IGSF10: variants seen among roughly 807,000 people sequenced by gnomAD.
The protein encoded by IGSF10 is immunoglobulin superfamily member 10.
A neutral mutation model predicts 128.2 loss-of-function variants in IGSF10; 126 were observed. The observed-to-expected ratio is 0.98, with a 90% CI of 0.85 to 1.14. The LOEUF (loss-of-function observed/expected upper bound fraction) is 1.14. Ranked by LOEUF, IGSF10 falls within the 50% of genes most tolerant of loss-of-function variation. The pLI is 0.00. For missense variants in IGSF10, 3,295 were observed against 3,149.8 expected (o/e 1.05, Z -1.10); for synonymous variants, 1,185 against 1,146.2 (o/e 1.03, Z -0.68).
the IGSF10 span, among the ~76,000 whole-genome samples, chr3:151,602,119 GTC>G: frequency 3.9e-4 from 60 of 152,120 alleles, no homozygotes; most frequent in African/African-American, 1.2e-3. Flanking sequence ...TACTGTGATA[GTC>G]TCTGCTAAGG....
chr3:151,521,056 A>G, the IGSF10 span, among the ~76,000 whole-genome samples: 1 of 151,938 alleles, frequency 6.6e-6, no homozygotes, highest in Non-Finnish European at 1.5e-5. Flanking sequence ...CAAATGGAAA[A>G]CAAAAAAATC....
the IGSF10 span, among the ~76,000 whole-genome samples, chr3:151,539,805 T>TATCTATCTATC: frequency 6.6e-6 from 1 of 151,648 alleles, no homozygotes; most frequent in South Asian, 2.1e-4. Context: ...TCTATCTATC[T>TATCTATCTATC]ATCTATCTAT....
the IGSF10 span, among the ~76,000 whole-genome samples, chr3:151,544,590 C>G: frequency 0.51 from 77,510 of 151,864 alleles, 20,655 homozygotes; most frequent in African/African-American, 0.65. Context: ...ACCTACCCAC[C>G]CTGTTTTAGT....
chr3:151,588,973 AAAG>A, the IGSF10 span, among the ~76,000 whole-genome samples: 15 of 152,334 alleles, frequency 9.8e-5, no homozygotes, highest in African/African-American at 2.2e-4. Context: ...ATAGCAATAT[AAAG>A]AAGAAGTATT....
At chr3:151,481,626 T>C in the IGSF10 span, among the ~76,000 whole-genome samples, 1 of 152,086 alleles carries the variant, frequency 6.6e-6, no homozygotes, top group African/African-American at 2.4e-5. Context: ...CCTCAGAAAG[T>C]GAACATGCAC....
chr3:151,492,634 C>T, the IGSF10 span, among the ~76,000 whole-genome samples: 1 of 152,102 alleles, frequency 6.6e-6, no homozygotes, highest in Non-Finnish European at 1.5e-5. Context: ...AGGAGAATCA[C>T]TGGAAACTGG....
upstream of IGSF10, among the ~76,000 whole-genome samples, chr3:151,465,933 TGA>T (rs1309700259): frequency 1.3e-5 from 2 of 152,242 alleles, no homozygotes; most frequent in East Asian, 3.8e-4. Context: ...CATGCACTGC[TGA>T]GTGTCAAACT....
At chr3:151,578,835 G>A in the IGSF10 span, among the ~76,000 whole-genome samples, 1 of 152,198 alleles carries the variant, frequency 6.6e-6, no homozygotes, top group South Asian at 2.1e-4. Flanking sequence ...ACCATTAGCA[G>A]TTTACTACTG....
At chr3:151,468,091 A>T in the IGSF10 span, among the ~76,000 whole-genome samples, 1 of 152,234 alleles carries the variant, frequency 6.6e-6, no homozygotes, top group Non-Finnish European at 1.5e-5. Flanking sequence ...TACGGCAAGG[A>T]GTATTTCCTG....
chr3:151,550,012 G>A, the IGSF10 span, among the ~76,000 whole-genome samples: 1 of 151,786 alleles, frequency 6.6e-6, no homozygotes, highest in African/African-American at 2.4e-5. Flanking sequence ...AAAATTAAAG[G>A]GTAAAATCCT....
chr3:151,546,928 G>A, the IGSF10 span, among the ~76,000 whole-genome samples: 13 of 151,970 alleles, frequency 8.6e-5, no homozygotes, highest in South Asian at 1.0e-3. Context: ...CTGCCACCAC[G>A]CCCGGCTAAT....
the IGSF10 span, among the ~76,000 whole-genome samples, chr3:151,601,560 G>C: frequency 6.6e-6 from 1 of 152,186 alleles, no homozygotes; most frequent in Non-Finnish European, 1.5e-5. Flanking sequence ...ACATATGCTT[G>C]ATGACTAGAC....
upstream of IGSF10, among the ~76,000 whole-genome samples, chr3:151,462,236 G>A (rs933192678): frequency 6.6e-6 from 1 of 152,126 alleles, no homozygotes; most frequent in African/African-American, 2.4e-5. Flanking sequence ...TGCAATGAAT[G>A]TTTTAGGGCA....
chr3:151,451,974 C>A (rs1019855146), intron 5 of IGSF10, among the ~76,000 whole-genome samples: 2 of 152,204 alleles, frequency 1.3e-5, no homozygotes, highest in African/African-American at 4.8e-5. Context: ...TTACATTTAA[C>A]TACTGAGATC....
At chr3:151,449,354 G>T in intron 5 of IGSF10, 89 bp from the exon 6 acceptor site, 2 of 1,295,262 alleles carry the variant, frequency 1.5e-6, no homozygotes, top group Non-Finnish European at 2.1e-6. Flanking sequence ...GCTAGAAGCT[G>T]AAACAATTTG....
At chr3:151,617,010 G>A in the IGSF10 span, among the ~76,000 whole-genome samples, 1 of 152,176 alleles carries the variant, frequency 6.6e-6, no homozygotes, top group Admixed American at 6.5e-5. Flanking sequence ...CCCAATGCCT[G>A]CACTGGTGAG....
the IGSF10 span, among the ~76,000 whole-genome samples, chr3:151,539,986 C>A: frequency 6.6e-5 from 10 of 152,092 alleles, no homozygotes; most frequent in African/African-American, 2.2e-4. Context: ...CCTAAGTAAC[C>A]TAAATAAGTT....
the IGSF10 span, among the ~76,000 whole-genome samples, chr3:151,616,428 T>C: frequency 6.6e-6 from 1 of 152,234 alleles, no homozygotes; most frequent in African/African-American, 2.4e-5. Flanking sequence ...TTATATCCTT[T>C]TCTTTTTTAT....
At position 151,445,649 on chromosome 3, in the gene IGSF10, G is replaced by A; in HGVS notation, c.4332C>T (p.Ser1444=). The A allele has an allele frequency of 6.2e-7, 1 of 1,614,214 alleles. No homozygotes were observed. The highest frequency in any genetic ancestry group is 1.1e-5 in the South Asian group (1 of 91,086). ...STIASETTLS[S]KSHQSTTTRK... is the part of the protein sequence containing the mutation. Reference sequence around the variant, plus strand: ...TAGTTGTGGTACTCTGGTGTGATTTGCTGGACAAAGTTGTTTCAGAAGCAA... The same window carrying A: ...TAGTTGTGGTACTCTGGTGTGATTTACTGGACAAAGTTGTTTCAGAAGCAA... Residue 1444 remains serine, a synonymous_variant, in exon 6 of 8, where the codon AGC becomes AGT. Coordinates refer to ENST00000282466, the MANE Select transcript of IGSF10 (RefSeq NM_178822.5).
Sources: allele counts gnomAD v4.1 joint callset (sites outside exome capture counted in the v4.1 genomes callset), GRCh38; gene constraint gnomAD v4.1.1; transcripts MANE v1.5; gene names NCBI Gene and HGNC (gene_info 2026-07-23, HGNC 2026-07-21).